The following KIF9 variants were observed in gnomAD, a reference collection of about 807,000 sequenced individuals.
KIF9 encodes kinesin family member 9.
A neutral mutation model predicts 94.8 loss-of-function variants in KIF9; 68 were observed. The observed-to-expected ratio is 0.72, with a 90% CI of 0.59 to 0.88. The LOEUF (loss-of-function observed/expected upper bound fraction) is 0.88. Ranked by LOEUF, KIF9 falls within the 40% of genes least tolerant of loss-of-function variation. The pLI, the probability that KIF9 is intolerant of heterozygous loss-of-function variation, is 0.00. For synonymous variants in KIF9, 343 were observed against 362.1 expected (o/e 0.95, Z 0.60); for missense variants, 882 against 982.5 (o/e 0.90, Z 1.37).
At chr3:47,271,201 G>A (rs1423367382) in intron 5 of KIF9, 36 bp downstream of exon 5, 7 of 1,427,752 alleles carry the variant, frequency 4.9e-6, no homozygotes, top group Middle Eastern at 2.3e-4. Context: ...CAGGGAGGGA[G>A]AGAAGGAAAG....
chr3:47,229,698 C>A (rs1575896962), intron 20 of KIF9, among the ~76,000 whole-genome samples: 1 of 151,912 alleles, frequency 6.6e-6, no homozygotes, highest in African/African-American at 2.4e-5. Flanking sequence ...AGAATTTTGA[C>A]CTGTAGAAAT....
chr3:47,231,404 C>CTT (rs34079988), intron 20 of KIF9, among the ~76,000 whole-genome samples: 3,885 of 79,674 alleles, frequency 0.049, 804 homozygotes, highest in African/African-American at 0.18. Flanking sequence ...TCAGTATCTA[C>CTT]TTTTTTTTTT....
At chr3:47,276,708 C>T (rs1008161267) in intron 2 of KIF9, among the ~76,000 whole-genome samples, 1 of 152,272 alleles carries the variant, frequency 6.6e-6, no homozygotes, top group East Asian at 1.9e-4. Context: ...CTAGGACCTG[C>T]GAGGCTTGGG....
chr3:47,270,951 C>T (rs1239090290), intron 5 of KIF9, among the ~76,000 whole-genome samples: 1 of 106,236 alleles, frequency 9.4e-6, no homozygotes, highest in African/African-American at 3.6e-5. Flanking sequence ...CCAGCCTGGG[C>T]AACATGGCCA....
chr3:47,261,146 C>T (rs1050940605), intron 9 of KIF9, among the ~76,000 whole-genome samples: 1 of 152,224 alleles, frequency 6.6e-6, no homozygotes, highest in Admixed American at 6.5e-5. Context: ...TTCAACTCAG[C>T]AGAGGTCTAA....
At chr3:47,269,562 G>A (rs1391598710) in intron 5 of KIF9, among the ~76,000 whole-genome samples, 3 of 152,030 alleles carry the variant, frequency 2.0e-5, no homozygotes, top group African/African-American at 2.4e-5. Flanking sequence ...AATTACAGGC[G>A]TGAGCCACTG....
Position 47,243,226 on chromosome 3 carries a change from C to G in KIF9, c.1534G>C (p.Gly512Arg), listed in dbSNP as rs1342087226. 2 of 1,610,098 alleles carry G rather than the reference C, an allele frequency of 1.2e-6. No individual in the cohort carries two copies. The highest frequency in any genetic ancestry group is 3.3e-5 in the Admixed American group (2 of 59,914). Reference protein sequence around the residue: ...EPLSSLARKEGASSPVNGKDL... With the variant: ...EPLSSLARKERASSPVNGKDL... ...TTCCCATTCACAGGGCTGCTGGCACCTTCCTTTCTTGCCAAGGAGCTGGAA... is the reference window on the plus strand; with the variant it reads ...TTCCCATTCACAGGGCTGCTGGCACGTTCCTTTCTTGCCAAGGAGCTGGAA... Residue 512 changes from glycine to arginine, a missense_variant, in exon 16 of 21, where the codon GGT (glycine) becomes CGT (arginine). Transcript: ENST00000684063.
chr3:47,240,916 C>T lies in KIF9; in HGVS notation c.1809G>A (p.Leu603=). The T allele has an allele frequency of 6.2e-7, 1 of 1,614,134 alleles. No homozygotes were observed. The highest frequency in any genetic ancestry group is 8.5e-7 in the Non-Finnish European group (1 of 1,180,038). The change falls in exon 17 of 21, where the codon TTG becomes TTA. Residue 603 remains leucine, a synonymous_variant. Coordinates refer to ENST00000684063, the MANE Select transcript of KIF9 (RefSeq NM_182902.4). ...CGCTGGCCCTTTTCCTCCGTTCATT[C>T]AAGATGGATTTGTTTTCTTTGAAAA... ...NRIFKENKSI[L]NERRKRASET...
chr3:47,240,884 G>A lies in KIF9; in HGVS notation c.1841C>T (p.Thr614Ile), dbSNP rs1195032815. Reference sequence around the variant, plus strand: ...CCGCTTGATGGCATTGATGTGCTGTGTGGTCTCGCTGGCCCTTTTCCTCCG... The same window carrying A: ...CCGCTTGATGGCATTGATGTGCTGTATGGTCTCGCTGGCCCTTTTCCTCCG... ...NERRKRASET[T>I]QHINAIKREI... The change falls in exon 17 of 21, where the codon ACA becomes ATA. Residue 614 changes from threonine (T) to isoleucine (I), a missense_variant. Coordinates refer to ENST00000684063, the MANE Select transcript of KIF9 (RefSeq NM_182902.4). The A allele has an allele frequency of 1.2e-6, 2 of 1,614,206 alleles. No homozygotes were observed. Among genetic ancestry groups the A allele is most frequent in the South Asian group, 2.2e-5 (2 of 91,090 alleles).
chr3:47,264,783 T>C (rs1344643400), intron 8 of KIF9, among the ~76,000 whole-genome samples: 1 of 152,228 alleles, frequency 6.6e-6, no homozygotes, highest in Non-Finnish European at 1.5e-5. Context: ...GTTGAAGTTG[T>C]AACCCCGACG....
chr3:47,241,671 GTA>G (rs1247791818), intron 16 of KIF9, among the ~76,000 whole-genome samples: 2 of 148,622 alleles, frequency 1.3e-5, no homozygotes, highest in Admixed American at 1.4e-4. Flanking sequence ...GTGTGTGTGT[GTA>G]TATACATATA....
chr3:47,255,431 T>C (rs11710013), intron 10 of KIF9, among the ~76,000 whole-genome samples: 76,668 of 152,086 alleles, frequency 0.5, 20,688 homozygotes, highest in Non-Finnish European at 0.6. Context: ...TGTAGTGACA[T>C]AGCGAGGTGA....
chr3:47,233,533 CAAA>C (rs61123180), intron 20 of KIF9, among the ~76,000 whole-genome samples: 1 of 129,304 alleles, frequency 7.7e-6, no homozygotes. Flanking sequence ...CCATCTCTAC[CAAA>C]AAAAAAAAAA....
chr3:47,274,588 C>A (rs1701846348), intron 3 of KIF9, among the ~76,000 whole-genome samples: 1 of 152,204 alleles, frequency 6.6e-6, no homozygotes, highest in African/African-American at 2.4e-5. Flanking sequence ...TCTATTAACC[C>A]AACACAAATG....
At chr3:47,258,033 C>T (rs1301743915) in intron 9 of KIF9, among the ~76,000 whole-genome samples, 2 of 152,154 alleles carry the variant, frequency 1.3e-5, no homozygotes, top group East Asian at 1.9e-4. Context: ...CAGTGATCCC[C>T]CTCCTTCACG....
intron 20 of KIF9, among the ~76,000 whole-genome samples, chr3:47,232,515 C>T (rs1698672473): frequency 1.3e-5 from 2 of 151,726 alleles, no homozygotes; most frequent in Non-Finnish European, 2.9e-5. Context: ...GAACTCCCGA[C>T]CTTAGGTGAT....
In KIF9 at chr3:47,247,437, A is replaced by G. The variant is rs1699998444; in HGVS notation, c.1169T>C (p.Ile390Thr). The G allele has an allele frequency of 6.8e-6, 11 of 1,613,922 alleles. No individual in the cohort carries two copies. Among genetic ancestry groups the G allele is most frequent in the Non-Finnish European group, 8.5e-6 (10 of 1,179,810 alleles). The change falls in exon 12 of 21, where the codon ATC (isoleucine) becomes ACC (threonine). Residue 390 changes from isoleucine to threonine, a missense_variant. Transcript: ENST00000684063. ...CTGGGAGTTGATCTCAGCAATCTGG[A>G]TTTCATCCATGGGGTCATAGGTCAC... ...TFVTYDPMDE[I>T]QIAEINSQVR...
intron 18 of KIF9, 46 bp downstream of exon 18, chr3:47,236,397 G>A: frequency 1.2e-6 from 2 of 1,603,214 alleles, no homozygotes; most frequent in Non-Finnish European, 1.7e-6. Context: ...CTCTCCCTGA[G>A]TCTCCTTGTA....
intron 10 of KIF9, among the ~76,000 whole-genome samples, chr3:47,253,460 ATT>A (rs11301132): frequency 9.5e-5 from 14 of 148,128 alleles, no homozygotes; most frequent in Non-Finnish European, 7.5e-5. Flanking sequence ...CGGCCCAGTG[ATT>A]TTTTTTTTTT....
Sources: allele counts gnomAD v4.1 joint callset (sites outside exome capture counted in the v4.1 genomes callset), GRCh38; gene constraint gnomAD v4.1.1; transcripts MANE v1.5; gene names NCBI Gene and HGNC (gene_info 2026-07-23, HGNC 2026-07-21).